BACH2: variants seen among roughly 807,000 people sequenced by gnomAD.
BACH2 encodes BACH transcriptional regulator 2.
Under a neutral mutation model 61.8 loss-of-function variants are expected in BACH2, and 5 were observed. The ratio of observed to expected loss-of-function variants is 0.08; its 90% CI spans 0.04 to 0.17. The LOEUF (loss-of-function observed/expected upper bound fraction) is 0.17. BACH2 is among the 10% of genes least tolerant of loss of function. BACH2 has a pLI of 1.00. For synonymous variants in BACH2, 446 were observed against 440.1 expected (o/e 1.01, Z -0.17); for missense variants, 824 against 1,091.1 (o/e 0.76, Z 3.45).
At chr6:90,203,340 G>A (rs1769019334) in intron 4 of BACH2, among the ~76,000 whole-genome samples, 1 of 145,698 alleles carries the variant, frequency 6.9e-6, no homozygotes, top group Admixed American at 7.0e-5. Context: ...GAGTCCAGGA[G>A]GTTGAGCACT....
At chr6:90,293,562 G>A (rs1411790547) in intron 1 of BACH2, among the ~76,000 whole-genome samples, 2 of 152,236 alleles carry the variant, frequency 1.3e-5, no homozygotes, top group Non-Finnish European at 2.9e-5. Context: ...GGGCCCAGAA[G>A]TGAAGGGCTG....
At chr6:90,229,100 T>G (rs960252991) in intron 3 of BACH2, among the ~76,000 whole-genome samples, 1 of 152,214 alleles carries the variant, frequency 6.6e-6, no homozygotes, top group African/African-American at 2.4e-5. Context: ...CTGTTCAAAC[T>G]CTGCTACACA....
intron 4 of BACH2, among the ~76,000 whole-genome samples, chr6:90,128,407 C>G (rs1273069065): frequency 1.3e-5 from 2 of 152,098 alleles, no homozygotes; most frequent in African/African-American, 2.4e-5. Flanking sequence ...ATGGTGAAAC[C>G]CTGTTTCTAC....
At chr6:90,092,488 C>CAA (rs1395494595) in intron 4 of BACH2, among the ~76,000 whole-genome samples, 5 of 151,838 alleles carry the variant, frequency 3.3e-5, no homozygotes, top group African/African-American at 1.2e-4. Context: ...CAGACTTTCC[C>CAA]ACTCACAGTA....
At chr6:90,169,928 G>GA (rs538940885) in intron 4 of BACH2, among the ~76,000 whole-genome samples, 268 of 152,162 alleles carry the variant, frequency 1.8e-3, no homozygotes, top group African/African-American at 6.3e-3. Context: ...TTGGTGGGCA[G>GA]AAAAAAACAT....
In BACH2 at chr6:89,945,452, A is replaced by G. The variant is rs115680822; in HGVS notation, c.1836+4818T>C. The stretch of plus-strand genomic sequence containing the variant: ...CTAAAGTGAAAGGAGCTAGACACAG[A>G]AGGCCACATCTTGCAAGATTCTATT... On this transcript the variant is annotated intron_variant, in intron 7 of 8. Coordinates refer to ENST00000257749, the MANE Select transcript of BACH2 (RefSeq NM_021813.4). Among the ~76,000 whole-genome samples the G allele has an allele frequency of 8.3e-3, 1,270 of 152,368 alleles. 15 individuals carry two copies. Among genetic ancestry groups the G allele is most frequent in the African/African-American group, 0.029 (1,204 of 41,588 alleles).
At chr6:90,149,598 A>G (rs1270585928) in intron 4 of BACH2, among the ~76,000 whole-genome samples, 1 of 152,222 alleles carries the variant, frequency 6.6e-6, no homozygotes, top group Non-Finnish European at 1.5e-5. Flanking sequence ...AGCATAAACG[A>G]AACATTCAAA....
rs1036599188 is a variant in BACH2, at chr6:90,122,728, G to C, written c.-161-33619C>G. Among the ~76,000 whole-genome samples the C allele has an allele frequency of 5.9e-5, 9 of 152,198 alleles. 1 individual carries two copies. Among genetic ancestry groups the C allele is most frequent in the African/African-American group, 1.9e-4 (8 of 41,440 alleles). The stretch of plus-strand genomic sequence containing the variant: ...TCAGAGAAAGTGTTGGCGAGGCCTG[G>C]CTCTCCCAGCCCCTCTGATGGCTGA... On this transcript the variant is annotated intron_variant, in intron 4 of 8. Transcript: ENST00000257749.
chr6:90,286,335 T>C (rs373924941), intron 1 of BACH2, among the ~76,000 whole-genome samples: 13 of 152,320 alleles, frequency 8.5e-5, no homozygotes, highest in Admixed American at 6.5e-4. Context: ...CTAATTGAGA[T>C]CTCATGTGCC....
At chr6:90,224,088 G>A (rs1303020383) in intron 3 of BACH2, among the ~76,000 whole-genome samples, 1 of 152,062 alleles carries the variant, frequency 6.6e-6, no homozygotes, top group Admixed American at 6.5e-5. Context: ...CAGTTGTATT[G>A]GAAATTATAA....
intron 3 of BACH2, among the ~76,000 whole-genome samples, chr6:90,212,633 A>G (rs1205285253): frequency 6.6e-6 from 1 of 152,208 alleles, no homozygotes; most frequent in East Asian, 1.9e-4. Context: ...GCATCTTCCC[A>G]TCAAGCATCA....
At chr6:90,085,124 T>TG (rs1468482761) in intron 5 of BACH2, among the ~76,000 whole-genome samples, 2 of 152,178 alleles carry the variant, frequency 1.3e-5, no homozygotes, top group African/African-American at 4.8e-5. Flanking sequence ...CTCACTAACC[T>TG]GTCTGTGACT....
intron 1 of BACH2, among the ~76,000 whole-genome samples, chr6:90,291,930 T>C (rs149592326): frequency 6.6e-6 from 1 of 152,326 alleles, no homozygotes; most frequent in East Asian, 1.9e-4. Context: ...GACAGGGTCA[T>C]ATGTCGCTGA....
At chr6:89,936,952 T>C (rs1773064601) in intron 8 of BACH2, among the ~76,000 whole-genome samples, 1 of 151,846 alleles carries the variant, frequency 6.6e-6, no homozygotes, top group Non-Finnish European at 1.5e-5. Flanking sequence ...TGAGTTTCTG[T>C]TATTTGGTGG....
chr6:90,062,023 G>A (rs575101847), intron 5 of BACH2, among the ~76,000 whole-genome samples: 21 of 152,260 alleles, frequency 1.4e-4, no homozygotes, highest in African/African-American at 5.1e-4. Flanking sequence ...TTTTCCTGGG[G>A]CAGTATTAAA....
chr6:90,296,336 C>G (rs1772387008), intron 1 of BACH2, 144 bp downstream of exon 1: 1 of 151,074 alleles, frequency 6.6e-6, no homozygotes, highest in Admixed American at 6.6e-5. Flanking sequence ...GCGGGGAGGG[C>G]GGCTGCGCGC....
intron 5 of BACH2, among the ~76,000 whole-genome samples, chr6:90,013,366 A>G (rs1432188035): frequency 6.6e-6 from 1 of 152,084 alleles, no homozygotes; most frequent in Non-Finnish European, 1.5e-5. Flanking sequence ...GTATTCAACC[A>G]TTCACCATTT....
At chr6:90,224,841 T>G (rs1404060991) in intron 3 of BACH2, among the ~76,000 whole-genome samples, 1 of 152,112 alleles carries the variant, frequency 6.6e-6, no homozygotes, top group Non-Finnish European at 1.5e-5. Context: ...TTCCCAAACT[T>G]CAGCCCAGGG....
At chr6:90,029,256 G>C (rs904309459) in intron 5 of BACH2, among the ~76,000 whole-genome samples, 1 of 152,012 alleles carries the variant, frequency 6.6e-6, no homozygotes, top group African/African-American at 2.4e-5. Context: ...AAGACTCCCC[G>C]CCCTGCCATT....
Sources: allele counts gnomAD v4.1 joint callset (sites outside exome capture counted in the v4.1 genomes callset), GRCh38; gene constraint gnomAD v4.1.1; transcripts MANE v1.5; gene names NCBI Gene and HGNC (gene_info 2026-07-23, HGNC 2026-07-21).